ZNF385B: variants seen among roughly 807,000 people sequenced by gnomAD.
ZNF385B encodes the protein zinc finger protein 385B.
ZNF385B carries 23 observed loss-of-function variants against 39.2 expected under a neutral mutation model. The ratio of observed to expected loss-of-function variants is 0.59; its 90% CI spans 0.42 to 0.83. The LOEUF is 0.83. Ranked by LOEUF, ZNF385B falls within the 40% of genes least tolerant of loss-of-function variation. ZNF385B has a pLI of 0.00. For missense variants in ZNF385B, 552 were observed against 598.9 expected, an observed-to-expected ratio of 0.92 and a Z score of 0.82; for synonymous variants, 205 against 222.6, an observed-to-expected ratio of 0.92 and a Z score of 0.70.
Position 179,558,719 on chromosome 2 carries a change from G to A in ZNF385B, c.299-13750C>T, listed in dbSNP as rs948972585. Among the ~76,000 whole-genome samples, 10 of 146,746 alleles carry A rather than the reference G, an allele frequency of 6.8e-5. 1 individual carries two copies. The South Asian group carries it at 2.2e-3, about 32-fold the overall frequency. Reference sequence around the variant, plus strand: ...CCAGAATTACAATGCACTATAGAGTGTTCATAAAAAATTCTAGTAAAGTAT... The same window carrying A: ...CCAGAATTACAATGCACTATAGAGTATTCATAAAAAATTCTAGTAAAGTAT... On this transcript the variant is annotated intron_variant, in intron 3 of 9. Transcript: ENST00000410066.
intron 3 of ZNF385B, among the ~76,000 whole-genome samples, chr2:179,596,936 C>T (rs1688045824): frequency 6.6e-6 from 1 of 152,170 alleles, no homozygotes; most frequent in Non-Finnish European, 1.5e-5. Flanking sequence ...GCTAGATATC[C>T]TTGCTCATCT....
chr2:179,524,203 T>C (rs957997734), intron 4 of ZNF385B, among the ~76,000 whole-genome samples: 1 of 152,132 alleles, frequency 6.6e-6, no homozygotes, highest in African/African-American at 2.4e-5. Flanking sequence ...TCCAGTATAG[T>C]AGGCCCTGGT....
At chr2:179,837,607 T>C (rs934501034) in intron 1 of ZNF385B, among the ~76,000 whole-genome samples, 1 of 152,218 alleles carries the variant, frequency 6.6e-6, no homozygotes. Context: ...TGACTCACCG[T>C]GGTTTTCCCT....
intron 4 of ZNF385B, 21 bp downstream of exon 4, chr2:179,544,806 A>C (rs2060125336): frequency 6.2e-7 from 1 of 1,613,592 alleles, no homozygotes; most frequent in Non-Finnish European, 8.5e-7. Flanking sequence ...ACACAAATAA[A>C]ATAGAAATGA....
At chr2:179,772,670 T>G (rs1259076736) in intron 1 of ZNF385B, among the ~76,000 whole-genome samples, 2 of 152,202 alleles carry the variant, frequency 1.3e-5, no homozygotes, top group Non-Finnish European at 2.9e-5. Flanking sequence ...TCAGCTTTCT[T>G]GCTAAGGGGA....
chr2:179,493,487 A>T (rs2055503754), intron 5 of ZNF385B, among the ~76,000 whole-genome samples: 1 of 99,944 alleles, frequency 1.0e-5, no homozygotes, highest in East Asian at 2.9e-4. Context: ...ACACATATGT[A>T]TAAACGTGTG....
At chr2:179,745,973 T>G (rs1211913934) in intron 3 of ZNF385B, 1 of 1,206,610 alleles carries the variant, frequency 8.3e-7, no homozygotes, top group African/African-American at 1.6e-5. Context: ...AAGCACACTC[T>G]GAGTCATTTG....
At chr2:179,808,250 T>C (rs1706515783) in intron 1 of ZNF385B, among the ~76,000 whole-genome samples, 1 of 152,162 alleles carries the variant, frequency 6.6e-6, no homozygotes, top group Admixed American at 6.5e-5. Context: ...GCCAGGATGG[T>C]CTCGATCTCC....
At chr2:179,795,342 C>T (rs1019630959) in intron 1 of ZNF385B, among the ~76,000 whole-genome samples, 4 of 151,982 alleles carry the variant, frequency 2.6e-5, no homozygotes, top group East Asian at 1.9e-4. Flanking sequence ...AAGGTTTCTA[C>T]GATTTTCATT....
At chr2:179,675,637 A>C (rs13419649) in intron 3 of ZNF385B, among the ~76,000 whole-genome samples, 59,889 of 151,870 alleles carry the variant, frequency 0.39, 11,884 homozygotes, top group Admixed American at 0.45. Context: ...AGGCAAGAGC[A>C]GGAGGAAAAG....
At chr2:179,795,165 C>A (rs1375123025) in intron 1 of ZNF385B, among the ~76,000 whole-genome samples, 1 of 151,844 alleles carries the variant, frequency 6.6e-6, no homozygotes, top group East Asian at 1.9e-4. Context: ...AGAGGGGTAA[C>A]TAGGGTAGAA....
intron 3 of ZNF385B, among the ~76,000 whole-genome samples, chr2:179,635,188 G>A (rs991334048): frequency 2.0e-5 from 3 of 151,640 alleles, no homozygotes; most frequent in Non-Finnish European, 2.9e-5. Flanking sequence ...TATACACCAT[G>A]GAATACTATG....
At chr2:179,732,046 T>C (rs1701427691) in intron 3 of ZNF385B, among the ~76,000 whole-genome samples, 2 of 152,174 alleles carry the variant, frequency 1.3e-5, no homozygotes, top group Admixed American at 1.3e-4. Context: ...GATCGCTCTC[T>C]TTTTTGCACA....
chr2:179,574,368 A>G (rs1251340246), intron 3 of ZNF385B, among the ~76,000 whole-genome samples: 1 of 152,214 alleles, frequency 6.6e-6, no homozygotes, highest in African/African-American at 2.4e-5. Context: ...TATCCTTCTC[A>G]ATATTTTTAG....
At chr2:179,822,978 CTTTG>C (rs1032433333) in intron 1 of ZNF385B, among the ~76,000 whole-genome samples, 1 of 152,050 alleles carries the variant, frequency 6.6e-6, no homozygotes, top group African/African-American at 2.4e-5. Flanking sequence ...AGATTTCAGG[CTTTG>C]TTTGGAAATT....
At chr2:179,473,696 C>T (rs945746191) in intron 6 of ZNF385B, among the ~76,000 whole-genome samples, 1 of 152,102 alleles carries the variant, frequency 6.6e-6, no homozygotes, top group African/African-American at 2.4e-5. Flanking sequence ...CTGACAGGCC[C>T]CAGTGTGTGA....
chr2:179,777,615 A>G (rs1318288141), intron 1 of ZNF385B, among the ~76,000 whole-genome samples: 1 of 152,054 alleles, frequency 6.6e-6, no homozygotes, highest in Non-Finnish European at 1.5e-5. Flanking sequence ...CTTTTCTAGG[A>G]AAAAAGGAAT....
intron 3 of ZNF385B, among the ~76,000 whole-genome samples, chr2:179,632,014 C>A (rs1425095098): frequency 6.6e-6 from 1 of 152,122 alleles, no homozygotes; most frequent in Admixed American, 6.5e-5. Context: ...TATATATGCA[C>A]CCATTTCAAG....
intron 1 of ZNF385B, among the ~76,000 whole-genome samples, chr2:179,852,629 C>T (rs553343859): frequency 1.3e-5 from 2 of 152,250 alleles, no homozygotes; most frequent in African/African-American, 4.8e-5. Flanking sequence ...CCAGTGAATA[C>T]CCAATGAGAG....
Sources: allele counts gnomAD v4.1 joint callset (sites outside exome capture counted in the v4.1 genomes callset), GRCh38; gene constraint gnomAD v4.1.1; transcripts MANE v1.5; gene names NCBI Gene and HGNC (gene_info 2026-07-23, HGNC 2026-07-21).